The following CACNA2D3 variants were observed in gnomAD, a reference collection of about 807,000 sequenced individuals.
CACNA2D3 encodes the protein calcium voltage-gated channel auxiliary subunit alpha2delta 3.
In CACNA2D3, 60 loss-of-function variants were observed where a neutral mutation model predicts 160.6. The observed-to-expected ratio is 0.37, with a 90% CI of 0.30 to 0.46. The LOEUF (loss-of-function observed/expected upper bound fraction) is 0.46. CACNA2D3 is among the 20% of genes least tolerant of loss of function. The pLI, the probability that CACNA2D3 is intolerant of heterozygous loss-of-function variation, is 1.00. For synonymous variants in CACNA2D3, 558 were observed against 492.9 expected, an observed-to-expected ratio of 1.13 and a Z score of -1.75; for missense variants, 1,205 against 1,365.0, an observed-to-expected ratio of 0.88 and a Z score of 1.85.
chr3:55,073,923 G>A, intron 37 of CACNA2D3, 64 bp downstream of exon 37: 9 of 1,343,414 alleles, frequency 6.7e-6, no homozygotes, highest in Non-Finnish European at 9.6e-6. Context: ...TCTCACACTG[G>A]TCAAAGAACT....
At chr3:54,530,208 A>G (rs753120115) in intron 5 of CACNA2D3, among the ~76,000 whole-genome samples, 7 of 152,066 alleles carry the variant, frequency 4.6e-5, no homozygotes, top group African/African-American at 9.7e-5. Context: ...CATCCATGCT[A>G]CCTCCAGTGC....
chr3:54,334,553 G>T (rs1259643127), intron 3 of CACNA2D3, among the ~76,000 whole-genome samples: 2 of 152,160 alleles, frequency 1.3e-5, no homozygotes, highest in Non-Finnish European at 2.9e-5. Flanking sequence ...CTGAGTCTCA[G>T]TTTTCTTGTC....
At chr3:54,616,941 C>A (rs945284050) in intron 9 of CACNA2D3, among the ~76,000 whole-genome samples, 1 of 152,118 alleles carries the variant, frequency 6.6e-6, no homozygotes, top group Non-Finnish European at 1.5e-5. Flanking sequence ...TTGATGGTAG[C>A]AGTCTCTTCT....
intron 4 of CACNA2D3, among the ~76,000 whole-genome samples, chr3:54,420,523 A>G (rs1699821980): frequency 6.6e-6 from 1 of 152,186 alleles, no homozygotes; most frequent in African/African-American, 2.4e-5. Flanking sequence ...GATCTCAGTG[A>G]CATCTCCTGC....
chr3:54,753,278 C>T (rs757972645), intron 12 of CACNA2D3, among the ~76,000 whole-genome samples: 4 of 152,192 alleles, frequency 2.6e-5, no homozygotes, highest in Non-Finnish European at 5.9e-5. Context: ...ATCAAATATC[C>T]GTATGCTCTC....
chr3:54,389,310 G>T (rs745653728), intron 4 of CACNA2D3, among the ~76,000 whole-genome samples: 2 of 148,484 alleles, frequency 1.3e-5, no homozygotes, highest in Non-Finnish European at 3.0e-5. Flanking sequence ...AAAAAAAAAA[G>T]ACAAATGAGG....
chr3:54,670,126 T>C (rs1311899331), intron 11 of CACNA2D3, among the ~76,000 whole-genome samples: 1 of 152,202 alleles, frequency 6.6e-6, no homozygotes, highest in Non-Finnish European at 1.5e-5. Context: ...CATGGAGGAA[T>C]TGCAAGGCTT....
intron 10 of CACNA2D3, among the ~76,000 whole-genome samples, chr3:54,629,433 A>T (rs1419436070): frequency 1.3e-5 from 2 of 152,238 alleles, no homozygotes; most frequent in Non-Finnish European, 2.9e-5. Context: ...GTTGCCACGA[A>T]GATGACTGTT....
At chr3:54,719,078 T>C (rs1701118843) in intron 11 of CACNA2D3, among the ~76,000 whole-genome samples, 1 of 151,922 alleles carries the variant, frequency 6.6e-6, no homozygotes, top group Admixed American at 6.5e-5. Context: ...ATAATCATAT[T>C]GTGTTTGAAT....
chr3:54,175,000 G>A (rs529149676), intron 2 of CACNA2D3, among the ~76,000 whole-genome samples: 1 of 152,248 alleles, frequency 6.6e-6, no homozygotes, highest in South Asian at 2.1e-4. Flanking sequence ...TGGGGCAGGG[G>A]GTTTTGAAGT....
chr3:55,011,747 C>T (rs1329983207), intron 34 of CACNA2D3, among the ~76,000 whole-genome samples: 1 of 152,052 alleles, frequency 6.6e-6, no homozygotes, highest in Non-Finnish European at 1.5e-5. Flanking sequence ...GAAAAGAAGA[C>T]TATCATGTCC....
chr3:54,567,470 T>G (rs1388092961), intron 6 of CACNA2D3, among the ~76,000 whole-genome samples: 11 of 152,154 alleles, frequency 7.2e-5, no homozygotes, highest in Admixed American at 2.0e-4. Context: ...ATGCCATGTT[T>G]CAGTAGGATA....
At chr3:54,660,067 G>A (rs561195459) in intron 11 of CACNA2D3, among the ~76,000 whole-genome samples, 19 of 151,936 alleles carry the variant, frequency 1.3e-4, no homozygotes, top group Admixed American at 2.6e-4. Context: ...AAACCTGACC[G>A]TGAGCCTTGC....
chr3:54,607,490 G>T (rs2106783688), intron 9 of CACNA2D3, among the ~76,000 whole-genome samples: 1 of 152,122 alleles, frequency 6.6e-6, no homozygotes, highest in East Asian at 1.9e-4. Flanking sequence ...CCCCCGGCAA[G>T]ACTCTCCAAG....
At chr3:54,400,248 A>G (rs571440506) in intron 4 of CACNA2D3, among the ~76,000 whole-genome samples, 303 of 150,682 alleles carry the variant, frequency 2.0e-3, no homozygotes, top group South Asian at 0.012. Context: ...AAATGCAGAA[A>G]TCACCCGTCT....
intron 27 of CACNA2D3, among the ~76,000 whole-genome samples, chr3:54,958,394 A>G (rs910505910): frequency 1.3e-4 from 19 of 151,990 alleles, no homozygotes; most frequent in African/African-American, 4.3e-4. Context: ...CCCCACCTCT[A>G]TTTTTTTAAA....
At chr3:54,858,400 A>T (rs1699216561) in intron 17 of CACNA2D3, among the ~76,000 whole-genome samples, 1 of 152,176 alleles carries the variant, frequency 6.6e-6, no homozygotes, top group Admixed American at 6.5e-5. Context: ...GGGGGTAGGA[A>T]TACACAGGAA....
intron 13 of CACNA2D3, among the ~76,000 whole-genome samples, chr3:54,778,817 A>G (rs971138736): frequency 6.6e-6 from 1 of 152,152 alleles, no homozygotes; most frequent in African/African-American, 2.4e-5. Flanking sequence ...CTTCTCCAAC[A>G]TTTCACTCAG....
intron 9 of CACNA2D3, among the ~76,000 whole-genome samples, chr3:54,610,508 G>A (rs1698730621): frequency 1.3e-5 from 2 of 152,034 alleles, no homozygotes; most frequent in South Asian, 4.2e-4. Flanking sequence ...GCTGGGTGAT[G>A]GGTGTTAATG....
Sources: allele counts gnomAD v4.1 joint callset (sites outside exome capture counted in the v4.1 genomes callset), GRCh38; gene constraint gnomAD v4.1.1; transcripts MANE v1.5; gene names NCBI Gene and HGNC (gene_info 2026-07-23, HGNC 2026-07-21).